The following PLVAP variants were observed in gnomAD, a reference collection of about 807,000 sequenced individuals.
PLVAP encodes the protein plasmalemma vesicle-associated protein.
PLVAP carries 34 observed loss-of-function variants against 43.1 expected under a neutral mutation model. The ratio of observed to expected loss-of-function variants is 0.79; its 90% CI spans 0.60 to 1.05. PLVAP has a LOEUF of 1.05. Ranked by LOEUF, PLVAP falls within the 50% of genes least tolerant of loss-of-function variation. The pLI is 0.00. For synonymous variants in PLVAP, 241 were observed against 237.3 expected (o/e 1.02, Z -0.14); for missense variants, 574 against 593.4 (o/e 0.97, Z 0.34).
intron 5 of PLVAP, among the ~76,000 whole-genome samples, chr19:17,359,517 T>A (rs995724524): frequency 1.3e-5 from 2 of 151,876 alleles, no homozygotes; most frequent in African/African-American, 4.8e-5. Flanking sequence ...GTGATTCTCC[T>A]GCCTCAGTCT....
At chr19:17,373,199 A>AG (rs963387115) in intron 1 of PLVAP, among the ~76,000 whole-genome samples, 2 of 147,972 alleles carry the variant, frequency 1.4e-5, no homozygotes, top group Admixed American at 6.7e-5. Context: ...GGTCTGAGGG[A>AG]GGGGCACAGT....
chr19:17,368,321 C>T (rs1002505016), intron 1 of PLVAP, among the ~76,000 whole-genome samples: 4 of 151,918 alleles, frequency 2.6e-5, no homozygotes, highest in African/African-American at 9.7e-5. Flanking sequence ...ATCCGCCCAC[C>T]TCGGCCTCCT....
intron 1 of PLVAP, among the ~76,000 whole-genome samples, chr19:17,369,169 C>T (rs529226319): frequency 2.0e-5 from 3 of 151,774 alleles, no homozygotes; most frequent in South Asian, 4.2e-4. Flanking sequence ...TTAAAAAAAA[C>T]CTTTTTTTGT....
At chr19:17,369,222 G>A (rs2074562129) in intron 1 of PLVAP, among the ~76,000 whole-genome samples, 1 of 148,776 alleles carries the variant, frequency 6.7e-6, no homozygotes, top group African/African-American at 2.5e-5. Flanking sequence ...TTTTTGCTCT[G>A]TCACCCAGCC....
chr19:17,374,087 G>A (rs1421365150), intron 1 of PLVAP, among the ~76,000 whole-genome samples: 1 of 152,118 alleles, frequency 6.6e-6, no homozygotes, highest in Non-Finnish European at 1.5e-5. Context: ...GCTTGAGCCT[G>A]GGAGGCAGTG....
chr19:17,374,108 G>A (rs181605827), intron 1 of PLVAP, among the ~76,000 whole-genome samples: 147 of 152,218 alleles, frequency 9.7e-4, no homozygotes, highest in African/African-American at 3.3e-3. Context: ...GTTGCAGTGA[G>A]CCGAGACCTT....
intron 5 of PLVAP, among the ~76,000 whole-genome samples, 166 bp downstream of exon 5, chr19:17,360,362 G>C (rs548831810): frequency 3.7e-4 from 56 of 152,280 alleles, no homozygotes; most frequent in African/African-American, 1.3e-3. Flanking sequence ...GTGTGTCTTG[G>C]ATACTGCTGT....
At position 17,376,958 on chromosome 19, in the gene PLVAP, G is replaced by A. The variant is rs778180557; in HGVS notation, c.331C>T (p.Arg111Cys). Reference protein sequence around the residue: ...MWLNARRDLDRINASFRQCQG... With the variant: ...MWLNARRDLDCINASFRQCQG... ...CACTGGCGGAAGCTGGCATTGATGC[G>A]GTCCAGGTCGCGGCGAGCATTCAGC... The change falls in exon 1 of 6, where the codon CGC (arginine) becomes TGC (cysteine). Residue 111 changes from arginine to cysteine, a missense_variant. Physicochemically the swap from Arg to Cys is radical, Grantham distance 180. Transcript: ENST00000252590. 4.3e-6 allele frequency: 7 copies of A among 1,614,068 alleles called. No homozygotes were observed. The highest frequency in any genetic ancestry group is 5.9e-6 in the Non-Finnish European group (7 of 1,180,026).
intron 3 of PLVAP, among the ~76,000 whole-genome samples, chr19:17,361,777 T>C (rs2074529338): frequency 3.3e-5 from 5 of 151,886 alleles, no homozygotes; most frequent in Admixed American, 3.3e-4. Context: ...TCTATGAAAA[T>C]ACCCGTTTCG....
At chr19:17,355,225 A>AAATAATAATAATAAT (rs150379358) in intron 5 of PLVAP, among the ~76,000 whole-genome samples, 2,606 of 139,488 alleles carry the variant, frequency 0.019, 20 homozygotes, top group African/African-American at 0.024. Context: ...CTCCATCTCA[A>AAATAATAATAATAAT]AATAATAATA....
intron 1 of PLVAP, among the ~76,000 whole-genome samples, chr19:17,376,052 T>C (rs1239156738): frequency 6.6e-6 from 1 of 150,542 alleles, no homozygotes; most frequent in East Asian, 2.0e-4. Context: ...TAGTGGCATG[T>C]CCATAGTGCC....
rs967798942 is a variant in PLVAP at position 17,377,245 on chromosome 19, C to G, written c.44G>C (p.Gly15Ala). ...MEHGGSYARA[G>A]GSSRGCWYYL... ...ATACCAGCAGCCCCGAGAGCTGCCCCCCGCCCGAGCGTAGGACCCTCCGTG... is the reference window on the plus strand; with the variant it reads ...ATACCAGCAGCCCCGAGAGCTGCCCGCCGCCCGAGCGTAGGACCCTCCGTG... Residue 15 changes from glycine (G) to alanine (A), a missense_variant, in exon 1 of 6, where the codon GGG (glycine) becomes GCG (alanine). Coordinates refer to ENST00000252590, the MANE Select transcript of PLVAP (RefSeq NM_031310.3). The G allele has an allele frequency of 1.2e-6, 2 of 1,613,886 alleles. No homozygotes were observed. Among genetic ancestry groups the G allele is most frequent in the African/African-American group, 2.7e-5 (2 of 74,924 alleles).
At chr19:17,364,337 C>G (rs186557864) in intron 3 of PLVAP, among the ~76,000 whole-genome samples, 1 of 151,656 alleles carries the variant, frequency 6.6e-6, no homozygotes, top group Non-Finnish European at 1.5e-5. Flanking sequence ...CACCTGCCTC[C>G]GCCTCCCAAA....
In PLVAP at chr19:17,365,547, G is replaced by A; in HGVS notation, c.918C>T (p.Arg306=). Residue 306 remains arginine, a synonymous_variant, in exon 3 of 6, where the codon CGC becomes CGT. Transcript: ENST00000252590. Reference sequence around the variant, plus strand: ...GGCCCTGCTGGGCTTCCAGCTTCTGGCGTTGGAGGTCTGAGTTCTCGCGGG... The same window carrying A: ...GGCCCTGCTGGGCTTCCAGCTTCTGACGTTGGAGGTCTGAGTTCTCGCGGG... ...RVARENSDLQ[R]QKLEAQQGLR... is the part of the protein sequence containing the mutation. 7 of 1,611,870 alleles carry A rather than the reference G, an allele frequency of 4.3e-6. No individual in the cohort carries two copies. The highest frequency in any genetic ancestry group is 5.1e-6 in the Non-Finnish European group (6 of 1,180,018).
At chr19:17,373,045 G>A (rs1383914030) in intron 1 of PLVAP, among the ~76,000 whole-genome samples, 5 of 111,650 alleles carry the variant, frequency 4.5e-5, no homozygotes, top group African/African-American at 1.4e-4. Flanking sequence ...CAGCCTTGGC[G>A]ACAGAGCTAG....
chr19:17,353,832 C>A (rs564325791), intron 5 of PLVAP, among the ~76,000 whole-genome samples: 1 of 152,196 alleles, frequency 6.6e-6, no homozygotes, highest in Non-Finnish European at 1.5e-5. Context: ...ATGAGGGCAG[C>A]GGGTTTCTGT....
At chr19:17,353,437 A>G (rs1420418473) in intron 5 of PLVAP, among the ~76,000 whole-genome samples, 5 of 152,070 alleles carry the variant, frequency 3.3e-5, no homozygotes, top group Non-Finnish European at 7.4e-5. Flanking sequence ...TCAGGTCCTC[A>G]CAGCAGCCAC....
rs1032945894 is a variant in PLVAP, at chr19:17,351,885, T to C, written c.*477A>G. ...GGTGTCGTTGTCATGGTGTGTGTTGTCACTGTGTCTGTGTGTGACATCATC... is the reference window on the plus strand; with the variant it reads ...GGTGTCGTTGTCATGGTGTGTGTTGCCACTGTGTCTGTGTGTGACATCATC... On this transcript the variant is annotated 3_prime_UTR_variant, in exon 6 of 6. Coordinates refer to ENST00000252590, the MANE Select transcript of PLVAP (RefSeq NM_031310.3). The C allele has an allele frequency of 9.3e-5, 17 of 182,498 alleles. No homozygotes were observed. Among genetic ancestry groups the C allele is most frequent in the Admixed American group, 6.2e-4 (11 of 17,804 alleles). 11.3% of individuals were successfully genotyped at this position (182,498 alleles called of 1,614,324 possible).
intron 1 of PLVAP, among the ~76,000 whole-genome samples, chr19:17,369,220 C>G (rs902736586): frequency 6.6e-6 from 1 of 150,684 alleles, no homozygotes; most frequent in Non-Finnish European, 1.5e-5. Context: ...GTTTTTTGCT[C>G]TGTCACCCAG....
Sources: gnomAD v4.1 joint callset for allele counts (sites outside exome capture counted in the v4.1 genomes callset) on GRCh38, gnomAD v4.1.1 for gene constraint, MANE v1.5 for transcripts, NCBI Gene and HGNC (gene_info 2026-07-23, HGNC 2026-07-21) for gene names.